DLG2: variants seen among roughly 807,000 people sequenced by gnomAD.
DLG2 encodes the protein discs large MAGUK scaffold protein 2, also known as disks large homolog 2.
A neutral mutation model predicts 132.5 loss-of-function variants in DLG2; 45 were observed. The observed-to-expected ratio is 0.34, with a 90% CI of 0.27 to 0.44. The LOEUF is 0.44. Ranked by LOEUF, DLG2 falls within the 20% of genes least tolerant of loss-of-function variation. The pLI is 1.00. For missense variants in DLG2, 1,045 were observed against 1,196.9 expected (o/e 0.87, Z 1.87); for synonymous variants, 424 against 419.6 (o/e 1.01, Z -0.13).
At position 85,192,899 on chromosome 11, in the gene DLG2, G is replaced by A. The variant is rs1260283113; in HGVS notation, c.187-38248C>T. Reference sequence around the variant, plus strand: ...AAAGCACAGGATTTAGATTAGGACAGGGCTATTTTGTTCTCTTTAGGCTTT... The same window carrying A: ...AAAGCACAGGATTTAGATTAGGACAAGGCTATTTTGTTCTCTTTAGGCTTT... On this transcript the variant is annotated intron_variant, in intron 4 of 27. Coordinates refer to ENST00000376104, the MANE Select transcript of DLG2 (RefSeq NM_001142699.3). 2.0e-5 allele frequency among the ~76,000 whole-genome samples: 3 copies of A among 152,220 alleles called. 1 individual carries two copies. Among genetic ancestry groups the A allele is most frequent in the South Asian group, 4.2e-4 (2 of 4,814 alleles).
At chr11:85,147,288 C>A (rs923732256) in intron 5 of DLG2, among the ~76,000 whole-genome samples, 26 of 152,170 alleles carry the variant, frequency 1.7e-4, no homozygotes, top group African/African-American at 6.3e-4. Flanking sequence ...ATTCAGCCAT[C>A]TTCCTCTGCC....
At chr11:84,513,779 CAA>C (rs921326376) in intron 7 of DLG2, among the ~76,000 whole-genome samples, 11 of 145,442 alleles carry the variant, frequency 7.6e-5, no homozygotes, top group South Asian at 2.2e-4. Context: ...CCAGGCCCCC[CAA>C]AAAAAAAAAT....
At chr11:85,166,201 C>T (rs1039843136) in intron 4 of DLG2, among the ~76,000 whole-genome samples, 3 of 152,138 alleles carry the variant, frequency 2.0e-5, no homozygotes, top group Non-Finnish European at 4.4e-5. Flanking sequence ...CTCTCCTTCT[C>T]TGTCATTTCC....
intron 3 of DLG2, among the ~76,000 whole-genome samples, chr11:85,331,427 G>A (rs995055338): frequency 2.0e-5 from 3 of 151,898 alleles, no homozygotes; most frequent in African/African-American, 7.3e-5. Context: ...ATTACATTTT[G>A]TTGTTAATTC....
At chr11:84,021,743 T>C (rs2095400899) in intron 11 of DLG2, among the ~76,000 whole-genome samples, 1 of 150,762 alleles carries the variant, frequency 6.6e-6, no homozygotes, top group South Asian at 2.1e-4. Context: ...CTCATTGTTA[T>C]TGAGAAAAAC....
chr11:85,596,711 C>T lies in DLG2; in HGVS notation c.40+1946G>A, dbSNP rs143220583. Among the ~76,000 whole-genome samples the T allele has an allele frequency of 7.2e-5, 11 of 152,174 alleles. No homozygotes were observed. In the East Asian group the frequency reaches 9.7e-4, roughly 13 times the overall value. On this transcript the variant is annotated intron_variant, in intron 3 of 27. Transcript: ENST00000376104. The stretch of plus-strand genomic sequence containing the variant: ...ATGCAAATTATAGACCATAACAATG[C>T]GCTATATTTCAATGGCTCCCTACCT...
intron 7 of DLG2, among the ~76,000 whole-genome samples, chr11:84,271,422 C>T (rs2097720526): frequency 6.6e-6 from 1 of 152,134 alleles, no homozygotes. Flanking sequence ...GGGGTCTATT[C>T]CATGTATTAA....
chr11:83,982,496 A>G (rs1048317778), intron 11 of DLG2, among the ~76,000 whole-genome samples: 5 of 151,586 alleles, frequency 3.3e-5, no homozygotes, highest in South Asian at 2.1e-4. Context: ...AAAAAAAAAA[A>G]AAAGAAAAGC....
At chr11:85,573,789 C>G (rs1024419070) in intron 3 of DLG2, among the ~76,000 whole-genome samples, 2 of 152,184 alleles carry the variant, frequency 1.3e-5, no homozygotes, top group Admixed American at 1.3e-4. Context: ...ATCTCTGTCA[C>G]ATTAGCAATG....
chr11:85,283,063 C>A (rs1422348467), intron 4 of DLG2, among the ~76,000 whole-genome samples: 1 of 151,774 alleles, frequency 6.6e-6, no homozygotes, highest in Non-Finnish European at 1.5e-5. Flanking sequence ...AACAGGGGAA[C>A]AACAGACACT....
intron 19 of DLG2, among the ~76,000 whole-genome samples, chr11:83,581,780 T>C (rs991733663): frequency 3.3e-5 from 5 of 152,176 alleles, no homozygotes; most frequent in African/African-American, 1.2e-4. Context: ...AAATACCTAC[T>C]GTTTCTTTTC....
intron 6 of DLG2, among the ~76,000 whole-genome samples, chr11:84,610,960 A>G (rs2099594344): frequency 6.7e-6 from 1 of 148,332 alleles, no homozygotes; most frequent in African/African-American, 2.5e-5. Context: ...GATGCCTCTT[A>G]CTCTAGAAAG....
At chr11:85,559,107 A>T (rs2077084173) in intron 3 of DLG2, among the ~76,000 whole-genome samples, 1 of 151,582 alleles carries the variant, frequency 6.6e-6, no homozygotes, top group Non-Finnish European at 1.5e-5. Context: ...AGGGTTCCAA[A>T]AAGAATCCAT....
At chr11:85,004,583 T>C (rs1306684914) in intron 6 of DLG2, among the ~76,000 whole-genome samples, 1 of 152,204 alleles carries the variant, frequency 6.6e-6, no homozygotes, top group East Asian at 1.9e-4. Flanking sequence ...TTCTTGTAAA[T>C]TTGTTTATAT....
At chr11:83,581,501 A>T (rs540321149) in intron 19 of DLG2, among the ~76,000 whole-genome samples, 5 of 152,320 alleles carry the variant, frequency 3.3e-5, no homozygotes, top group Middle Eastern at 3.4e-3. Flanking sequence ...AAAAAAAAAT[A>T]CATTCTTGCA....
chr11:84,910,851 A>G (rs997066521), intron 6 of DLG2, among the ~76,000 whole-genome samples: 6 of 152,230 alleles, frequency 3.9e-5, no homozygotes, highest in African/African-American at 1.4e-4. Flanking sequence ...CATCTCCAAA[A>G]CAAGGGATAT....
chr11:83,702,678 C>T (rs950498018), intron 18 of DLG2, among the ~76,000 whole-genome samples: 3 of 152,194 alleles, frequency 2.0e-5, no homozygotes, highest in Non-Finnish European at 4.4e-5. Context: ...TTGATTGAAA[C>T]TGAGGTTGAA....
intron 7 of DLG2, among the ~76,000 whole-genome samples, chr11:84,269,849 A>C (rs984783860): frequency 6.6e-6 from 1 of 152,208 alleles, no homozygotes; most frequent in Non-Finnish European, 1.5e-5. Flanking sequence ...AAGGAAAACC[A>C]AATTTGTACA....
chr11:85,067,063 G>C (rs1246201995), intron 6 of DLG2, among the ~76,000 whole-genome samples: 1 of 151,638 alleles, frequency 6.6e-6, no homozygotes, highest in Non-Finnish European at 1.5e-5. Context: ...CAAAGGGAAA[G>C]AAATCACTAC....
Sources: gnomAD v4.1 joint callset for allele counts (sites outside exome capture counted in the v4.1 genomes callset) on GRCh38, gnomAD v4.1.1 for gene constraint, MANE v1.5 for transcripts, NCBI Gene and HGNC (gene_info 2026-07-23, HGNC 2026-07-21) for gene names.